The following C2orf92 variants were observed in gnomAD, a reference collection of about 807,000 sequenced individuals.
C2orf92 encodes the protein uncharacterized protein C2orf92.
At chr2:97,690,786 G>GTT (rs1266017095) in intron 5 of C2orf92, among the ~76,000 whole-genome samples, 6 of 110,366 alleles carry the variant, frequency 5.4e-5, no homozygotes, top group Non-Finnish European at 7.8e-5. Flanking sequence ...TTTTTTTTTT[G>GTT]TTTTTTTTTT....
chr2:97,687,741 G>A (rs1038629207), intron 3 of C2orf92, among the ~76,000 whole-genome samples: 3 of 150,008 alleles, frequency 2.0e-5, no homozygotes, highest in African/African-American at 7.4e-5. Flanking sequence ...ATTCCGTTCC[G>A]GCAGCTGTCC....
intron 3 of C2orf92, among the ~76,000 whole-genome samples, chr2:97,683,762 T>A (rs1675861205): frequency 6.6e-6 from 1 of 152,204 alleles, no homozygotes; most frequent in Non-Finnish European, 1.5e-5. Flanking sequence ...AGCACAGTTA[T>A]CAAAACAGTG....
intron 5 of C2orf92, among the ~76,000 whole-genome samples, chr2:97,695,586 G>T (rs1676280789): frequency 6.6e-6 from 1 of 152,120 alleles, no homozygotes; most frequent in East Asian, 1.9e-4. Flanking sequence ...AAAATTAAAT[G>T]ATATGCTTGA....
chr2:97,669,526 G>C (rs1276221811), upstream of C2orf92: 1 of 349,590 alleles, frequency 2.9e-6, no homozygotes, highest in Non-Finnish European at 5.1e-6. Context: ...GTTGCCCTCA[G>C]GACATGCAGG....
intron 3 of C2orf92, among the ~76,000 whole-genome samples, chr2:97,680,697 C>T (rs1172666023): frequency 2.0e-5 from 3 of 152,052 alleles, no homozygotes; most frequent in Admixed American, 6.6e-5. Flanking sequence ...GAGGCCGAGG[C>T]GGGCGGATCA....
rs368307967 is a variant in C2orf92 at position 97,696,408 on chromosome 2, C to T, written c.404-2618C>T. Among the ~76,000 whole-genome samples, 9 of 152,062 alleles carry T rather than the reference C, an allele frequency of 5.9e-5. No individual in the cohort carries two copies. The South Asian group carries it at 1.2e-3, about 21-fold the overall frequency. On this transcript the variant is annotated intron_variant, in intron 5 of 7. Coordinates refer to ENST00000627399, the MANE Select transcript of C2orf92 (RefSeq NM_001351368.2). The stretch of plus-strand genomic sequence containing the variant: ...AGTAAATTCCAGACCACACTGTCTG[C>T]ACCTCCTCCTTGGCAGTAGTGACCA...
intron 3 of C2orf92, among the ~76,000 whole-genome samples, chr2:97,676,791 T>G (rs1675600450): frequency 1.3e-5 from 2 of 152,102 alleles, no homozygotes; most frequent in Non-Finnish European, 1.5e-5. Context: ...GAGAGAGACA[T>G]CTTGTTTCAC....
intron 7 of C2orf92, among the ~76,000 whole-genome samples, chr2:97,701,724 T>C (rs1198023206): frequency 6.6e-6 from 1 of 152,230 alleles, no homozygotes; most frequent in Non-Finnish European, 1.5e-5. Context: ...CTCCTTCACA[T>C]TGGCACAGCT....
At chr2:97,677,180 G>T (rs1366150243) in intron 3 of C2orf92, among the ~76,000 whole-genome samples, 2 of 152,180 alleles carry the variant, frequency 1.3e-5, no homozygotes, top group Admixed American at 1.3e-4. Flanking sequence ...CATTCCTAGT[G>T]AGGATTGCTG....
chr2:97,701,735 G>T (rs1244778081), intron 7 of C2orf92, among the ~76,000 whole-genome samples: 1 of 152,240 alleles, frequency 6.6e-6, no homozygotes, highest in Non-Finnish European at 1.5e-5. Flanking sequence ...TGGCACAGCT[G>T]TCCTGCTTGT....
intron 3 of C2orf92, 140 bp downstream of exon 3, chr2:97,676,068 CTA>C (rs982971490): frequency 2.8e-5 from 11 of 397,290 alleles, no homozygotes; most frequent in Admixed American, 4.4e-5. Flanking sequence ...ATCTGTTTCT[CTA>C]TGAGTCAAAA....
chr2:97,702,603 A>G (rs1676529303), intron 7 of C2orf92, 66 bp from the exon 8 acceptor site: 1 of 398,570 alleles, frequency 2.5e-6, no homozygotes, highest in Non-Finnish European at 4.4e-6. Flanking sequence ...ACCACTGCCC[A>G]GCGAGTAGAC....
chr2:97,683,405 A>T (rs1209400193), intron 3 of C2orf92, among the ~76,000 whole-genome samples: 1 of 152,164 alleles, frequency 6.6e-6, no homozygotes, highest in Non-Finnish European at 1.5e-5. Context: ...TAATATTGTT[A>T]AGATGTCAAA....
chr2:97,691,653 G>C lies in C2orf92; in HGVS notation c.403+1326G>C, dbSNP rs1455001666. ...GGTGCAGGATTATGAACCTGGCCAG[G>C]AGTTCCCGGGCCGCACCATGCATCA... is the stretch of plus-strand genomic sequence containing the variant. On this transcript the variant is annotated intron_variant, in intron 5 of 7. Coordinates refer to ENST00000627399, the MANE Select transcript of C2orf92 (RefSeq NM_001351368.2). 2.0e-5 allele frequency among the ~76,000 whole-genome samples: 3 copies of C among 152,224 alleles called. No homozygotes were observed. In the East Asian group the frequency reaches 5.8e-4, roughly 29 times the overall value.
At chr2:97,700,151 A>G (rs554041125) in intron 6 of C2orf92, among the ~76,000 whole-genome samples, 1 of 152,236 alleles carries the variant, frequency 6.6e-6, no homozygotes, top group South Asian at 2.1e-4. Flanking sequence ...CCTTCCTTTG[A>G]GATCTAGCTA....
rs1381181413 is a variant in C2orf92 at position 97,670,149 on chromosome 2, T to G, written c.46+315T>G. 3 of 224,682 alleles carry G rather than the reference T, an allele frequency of 1.3e-5. 1 individual carries two copies. The highest frequency in any genetic ancestry group is 6.8e-5 in the African/African-American group (3 of 44,186). The allele number at this position is 224,682 out of a possible 1,614,324, so 13.9% of individuals were successfully genotyped here. ...AAGATTAGTATAAAGAACCACCATA[T>G]GCTAACTAACCCTCCTGATTTTATC... On this transcript the variant is annotated intron_variant, in intron 1 of 7. Coordinates refer to ENST00000627399, the MANE Select transcript of C2orf92 (RefSeq NM_001351368.2).
intron 3 of C2orf92, among the ~76,000 whole-genome samples, chr2:97,681,773 G>T (rs1367773772): frequency 6.6e-6 from 1 of 151,934 alleles, no homozygotes; most frequent in Non-Finnish European, 1.5e-5. Flanking sequence ...CAGGAGAATG[G>T]CATGAACCCA....
chr2:97,682,823 C>T (rs1321023394), intron 3 of C2orf92, among the ~76,000 whole-genome samples: 9 of 151,014 alleles, frequency 6.0e-5, no homozygotes, highest in Admixed American at 2.0e-4. Context: ...ACTACCAAAA[C>T]GTAATAAAAG....
chr2:97,692,012 T>C (rs1676157249), intron 5 of C2orf92, among the ~76,000 whole-genome samples: 1 of 152,238 alleles, frequency 6.6e-6, no homozygotes, highest in Non-Finnish European at 1.5e-5. Context: ...TGTTTGTTTT[T>C]CCATGTGAAC....
Sources: allele counts gnomAD v4.1 joint callset (sites outside exome capture counted in the v4.1 genomes callset), GRCh38; gene constraint gnomAD v4.1.1; transcripts MANE v1.5; gene names NCBI Gene and HGNC (gene_info 2026-07-23, HGNC 2026-07-21).